Variants in CAPRIN2 observed in about 807,000 individuals in gnomAD.
The protein encoded by CAPRIN2 is caprin-2.
A neutral mutation model predicts 130.4 loss-of-function variants in CAPRIN2; 66 were observed. That is an observed-to-expected ratio of 0.51 (90% CI 0.42 to 0.62). The LOEUF is 0.62. Among genes scored for constraint, CAPRIN2 ranks in the 20% least tolerant of loss-of-function variants. CAPRIN2 has a pLI of 0.00. For missense variants in CAPRIN2, 1,185 were observed against 1,246.6 expected (o/e 0.95, Z 0.74); for synonymous variants, 471 against 444.1 (o/e 1.06, Z -0.76).
At chr12:30,748,196 T>C (rs756326632) in intron 2 of CAPRIN2, among the ~76,000 whole-genome samples, 2 of 152,176 alleles carry the variant, frequency 1.3e-5, no homozygotes, top group African/African-American at 4.8e-5. Context: ...TTGAAAAAAG[T>C]CCTACTGTGG....
intron 2 of CAPRIN2, among the ~76,000 whole-genome samples, chr12:30,749,919 A>G (rs1340447341): frequency 6.6e-6 from 1 of 152,184 alleles, no homozygotes; most frequent in Non-Finnish European, 1.5e-5. Context: ...TGTCTTTAAC[A>G]TTTCTTAGAG....
chr12:30,710,254 C>A lies in CAPRIN2; in HGVS notation c.2882G>T (p.Gly961Val), dbSNP rs368158820. Reference sequence around the variant, plus strand: ...AAACACAATAGGTTGGTCTAAAGTTCCAGGGGCCAGATTAGAGGTTCTGGC... The same window carrying A: ...AAACACAATAGGTTGGTCTAAAGTTACAGGGGCCAGATTAGAGGTTCTGGC... Residue 961 changes from glycine to valine, a missense_variant, in exon 17 of 17, where the codon GGA (glycine) becomes GTA (valine). Physicochemically the swap from Gly to Val is moderately radical, Grantham distance 109. Transcript: ENST00000298892. This position sits in a 1 kb window ranked among gnomAD's most constrained non-coding sequence, Gnocchi z 4.8. The A allele has an allele frequency of 8.6e-5, 139 of 1,614,006 alleles. No homozygotes were observed. Among genetic ancestry groups the A allele is most frequent in the Non-Finnish European group, 1.1e-4 (133 of 1,180,030 alleles).
chr12:30,714,970 C>G (rs2056949005), exon 14 of CAPRIN2: 1 of 1,613,330 alleles, frequency 6.2e-7, no homozygotes, highest in African/African-American at 1.3e-5. Flanking sequence ...TTTATAACCA[C>G]CAGGGGACCG....
chr12:30,724,264 C>G (rs1332385688), intron 10 of CAPRIN2, 106 bp downstream of exon 11: 2 of 719,168 alleles, frequency 2.8e-6, no homozygotes, highest in Admixed American at 2.2e-5. Context: ...TAAATTAATA[C>G]ACCAACATAT....
At chr12:30,711,669 G>A (rs770538791) in intron 15 of CAPRIN2, 40 bp from the exon 18 acceptor site, 3 of 1,522,204 alleles carry the variant, frequency 2.0e-6, no homozygotes, top group Admixed American at 3.3e-5. Flanking sequence ...CATCAAAAAT[G>A]CAGGACTATA....
exon 15 of CAPRIN2, chr12:30,713,841 A>G (rs1176352121): frequency 1.9e-6 from 3 of 1,611,350 alleles, no homozygotes; most frequent in Non-Finnish European, 2.5e-6. Flanking sequence ...AGCTGGCTAT[A>G]ATTTCCATTG....
At chr12:30,720,850 A>C (rs745466108) in exon 12 of CAPRIN2, 32 of 1,613,584 alleles carry the variant, frequency 2.0e-5, no homozygotes, top group Non-Finnish European at 2.4e-5. Context: ...TTTCAGATCC[A>C]GAAGAAGCCT....
At chr12:30,720,771 C>A in intron 12 of CAPRIN2, 40 bp downstream of exon 13, 2 of 1,200,398 alleles carry the variant, frequency 1.7e-6, no homozygotes, top group Non-Finnish European at 2.5e-6. Context: ...TTCTGCTATT[C>A]TTTAAGATAC....
intron 3 of CAPRIN2, among the ~76,000 whole-genome samples, chr12:30,738,954 G>C (rs2066079109): frequency 6.6e-6 from 1 of 152,210 alleles, no homozygotes. Flanking sequence ...CACTGTTGAT[G>C]AGAGTGTAAA....
At chr12:30,733,690 C>T in exon 5 of CAPRIN2, 1 of 1,613,494 alleles carries the variant, frequency 6.2e-7, no homozygotes, top group Non-Finnish European at 8.5e-7. Flanking sequence ...ACAAGGATGA[C>T]TGCTCCATCT....
chr12:30,729,544 C>T (rs2061944171), intron 7 of CAPRIN2, among the ~76,000 whole-genome samples: 1 of 152,148 alleles, frequency 6.6e-6, no homozygotes, highest in African/African-American at 2.4e-5. Flanking sequence ...ATACAGACTT[C>T]GATACATCAA....
At chr12:30,713,103 C>T (rs2055834053) in intron 15 of CAPRIN2, among the ~76,000 whole-genome samples, 1 of 152,172 alleles carries the variant, frequency 6.6e-6, no homozygotes, top group Admixed American at 6.6e-5. Context: ...ACTGTAAGTT[C>T]TTCAAGGATA....
At chr12:30,745,300 A>G (rs866319091) in intron 2 of CAPRIN2, among the ~76,000 whole-genome samples, 30 of 152,350 alleles carry the variant, frequency 2.0e-4, no homozygotes, top group African/African-American at 6.5e-4. Context: ...AACCAAACAT[A>G]CTAAAGTTAT....
chr12:30,730,229 A>G lies in CAPRIN2; in HGVS notation c.1104+10T>C. The G allele has an allele frequency of 6.2e-7, 1 of 1,606,210 alleles. No individual in the cohort carries two copies. Among genetic ancestry groups the G allele is most frequent in the Non-Finnish European group, 8.5e-7 (1 of 1,173,026 alleles). On this transcript the variant is annotated intron_variant, in intron 7 of 16. Transcript: ENST00000298892. ...AATCAACATCAGCAAATTGTCTTTC[A>G]GTATCTTACCTCTTGTGGTTGTATC...
intron 2 of CAPRIN2, among the ~76,000 whole-genome samples, chr12:30,748,473 T>A (rs1287957105): frequency 6.6e-6 from 1 of 152,248 alleles, no homozygotes; most frequent in Non-Finnish European, 1.5e-5. Flanking sequence ...TGTACCTTCT[T>A]TTTGACACAG....
At chr12:30,709,925 C>T (rs1565523108) in exon 17 of CAPRIN2, 1 of 1,608,326 alleles carries the variant, frequency 6.2e-7, no homozygotes, top group Non-Finnish European at 8.5e-7. Flanking sequence ...AGAAGATAGC[C>T]TGAAAACGTA....
chr12:30,734,973 A>T, exon 4 of CAPRIN2: 1 of 1,609,294 alleles, frequency 6.2e-7, no homozygotes, highest in Non-Finnish European at 8.5e-7. Flanking sequence ...CTTACCTCAG[A>T]CTTTCATTTC....
chr12:30,743,617 C>T (rs1337344712), intron 2 of CAPRIN2, among the ~76,000 whole-genome samples: 1 of 152,168 alleles, frequency 6.6e-6, no homozygotes, highest in Non-Finnish European at 1.5e-5. Context: ...TTTCCATTAG[C>T]TTCTCTCTCA....
exon 8 of CAPRIN2, chr12:30,729,188 C>G: frequency 6.2e-7 from 1 of 1,614,064 alleles, no homozygotes; most frequent in Non-Finnish European, 8.5e-7. Context: ...CCTGTTTCTT[C>G]TCTTGACCAT....
Sources: allele counts gnomAD v4.1 joint callset (sites outside exome capture counted in the v4.1 genomes callset), GRCh38; gene constraint gnomAD v4.1.1; non-coding constraint Gnocchi (gnomAD v3.1); transcripts MANE v1.5; gene names NCBI Gene and HGNC (gene_info 2026-07-23, HGNC 2026-07-21).